CYTH3: variants seen among roughly 807,000 people sequenced by gnomAD.
The protein encoded by CYTH3 is cytohesin 3.
A neutral mutation model predicts 55.1 loss-of-function variants in CYTH3; 23 were observed. That is an observed-to-expected ratio of 0.42 (90% CI 0.30 to 0.59). The LOEUF (loss-of-function observed/expected upper bound fraction) is 0.59, where lower values mean the gene tolerates loss of function less well. Among genes scored for constraint, CYTH3 ranks in the 20% least tolerant of loss-of-function variants. CYTH3 has a pLI of 0.20. For synonymous variants in CYTH3, 249 were observed against 194.9 expected (o/e 1.28, Z -2.31); for missense variants, 413 against 524.8 (o/e 0.79, Z 2.08).
chr7:6,237,190 C>A (rs1162495823), intron 1 of CYTH3, among the ~76,000 whole-genome samples: 1 of 152,222 alleles, frequency 6.6e-6, no homozygotes, highest in Non-Finnish European at 1.5e-5. Flanking sequence ...TCTTCTCAAT[C>A]CACTTTTAGA....
intron 1 of CYTH3, among the ~76,000 whole-genome samples, chr7:6,202,813 A>AACAAT (rs1270367812): frequency 2.0e-5 from 3 of 152,256 alleles, no homozygotes; most frequent in African/African-American, 7.2e-5. Context: ...TGCAGTAAGA[A>AACAAT]GTAACTGATA....
intron 4 of CYTH3, among the ~76,000 whole-genome samples, chr7:6,180,355 C>T (rs1317684598): frequency 6.6e-6 from 1 of 152,206 alleles, no homozygotes; most frequent in African/African-American, 2.4e-5. Context: ...GACAAAGAGA[C>T]AAGCAGAGGA....
intron 1 of CYTH3, among the ~76,000 whole-genome samples, chr7:6,206,547 GTGT>G (rs1180285193): frequency 2.0e-5 from 3 of 152,248 alleles, no homozygotes; most frequent in Non-Finnish European, 2.9e-5. Context: ...GCACAAGGGT[GTGT>G]GTACATGACT....
chr7:6,187,238 C>G, intron 3 of CYTH3, 122 bp from the exon 4 acceptor site: 1 of 1,041,252 alleles, frequency 9.6e-7, no homozygotes, highest in African/African-American at 1.6e-5. Flanking sequence ...CAGGCCCTCA[C>G]GGAGGGGCCC....
chr7:6,232,462 G>C (rs1488732939), intron 1 of CYTH3, among the ~76,000 whole-genome samples: 1 of 152,166 alleles, frequency 6.6e-6, no homozygotes, highest in East Asian at 1.9e-4. Flanking sequence ...GGCCTGTAAT[G>C]ATGGACCACT....
chr7:6,262,320 T>C (rs1003091406), intron 1 of CYTH3, among the ~76,000 whole-genome samples: 3 of 152,124 alleles, frequency 2.0e-5, no homozygotes, highest in African/African-American at 7.2e-5. Context: ...AAATCTAATT[T>C]AAGATCAAGC....
In CYTH3 at chr7:6,177,860, G is replaced by C; in HGVS notation, c.331C>G (p.Leu111Val). 1.2e-6 allele frequency: 2 copies of C among 1,614,062 alleles called. No homozygotes were observed. The highest frequency in any genetic ancestry group is 1.7e-6 in the Non-Finnish European group (2 of 1,179,958). Residue 111 changes from leucine to valine, a missense_variant, in exon 5 of 13, where the codon CTA (leucine) becomes GTA (valine). Transcript: ENST00000350796. Reference sequence around the variant, plus strand: ...TAGTCCCCAATGACGGTCTTATTTAGGCCTTCTCCTTTATAAAGGAACTGG... The same window carrying C: ...TAGTCCCCAATGACGGTCTTATTTACGCCTTCTCCTTTATAAAGGAACTGG... The part of the protein sequence containing the change: ...VAQFLYKGEG[L>V]NKTVIGDYLG...
intron 2 of CYTH3, 64 bp downstream of exon 2, chr7:6,190,385 T>C: frequency 8.2e-7 from 1 of 1,212,284 alleles, no homozygotes; most frequent in Non-Finnish European, 1.1e-6. Flanking sequence ...GCTACTCTTT[T>C]ACTATTTTAC....
intron 1 of CYTH3, among the ~76,000 whole-genome samples, chr7:6,249,182 A>T (rs927724968): frequency 6.6e-6 from 1 of 152,180 alleles, no homozygotes; most frequent in African/African-American, 2.4e-5. Context: ...GGGAAGGTTC[A>T]CTATGTTCTG....
chr7:6,250,557 C>T (rs1779935502), intron 1 of CYTH3, among the ~76,000 whole-genome samples: 1 of 152,092 alleles, frequency 6.6e-6, no homozygotes, highest in Non-Finnish European at 1.5e-5. Flanking sequence ...TGACTCATGC[C>T]ACAACATGGA....
At chr7:6,234,876 A>G (rs886339107) in intron 1 of CYTH3, among the ~76,000 whole-genome samples, 2 of 152,196 alleles carry the variant, frequency 1.3e-5, no homozygotes, top group South Asian at 2.1e-4. Context: ...AAATAATAAT[A>G]AGAATATGAG....
chr7:6,272,144 G>A (rs1057358862), intron 1 of CYTH3, among the ~76,000 whole-genome samples: 3 of 152,198 alleles, frequency 2.0e-5, no homozygotes, highest in East Asian at 1.9e-4. Flanking sequence ...ATGCGGGGAA[G>A]GTCGCCCCGC....
rs1388717285 is a variant in CYTH3 at position 6,170,900 on chromosome 7, G to A, written c.641C>T (p.Thr214Met). ...GTTCATGGCGATGAACCGTTCTGCC[G>A]TGGGCTTGTCACGCACGTTGTGGTT... ...LHNHNVRDKP[T>M]AERFIAMNRG... Residue 214 changes from threonine to methionine, a missense_variant, in exon 8 of 13, where the codon ACG (threonine) becomes ATG (methionine). Transcript: ENST00000350796. The surrounding 1 kb of genome is among the most constrained non-coding windows in gnomAD (Gnocchi z 7.8). 5.6e-6 allele frequency: 9 copies of A among 1,613,828 alleles called. No homozygotes were observed. The highest frequency in any genetic ancestry group is 1.3e-5 in the African/African-American group (1 of 74,958).
rs544730718 is a variant in CYTH3 at position 6,226,935 on chromosome 7, C to T, written c.35-36404G>A. Among the ~76,000 whole-genome samples the T allele has an allele frequency of 2.3e-4, 35 of 152,182 alleles. 1 individual carries two copies. The South Asian group carries it at 5.6e-3, about 24-fold the overall frequency. On this transcript the variant is annotated intron_variant, in intron 1 of 12. Transcript: ENST00000350796. ...CTCTACTAAAAATACAAAAAATTAG[C>T]CAGGCGTGGTGGCGGGCACCTGTAG... is the stretch of plus-strand genomic sequence containing the variant.
At chr7:6,260,078 C>T (rs552719797) in intron 1 of CYTH3, among the ~76,000 whole-genome samples, 2 of 151,092 alleles carry the variant, frequency 1.3e-5, no homozygotes, top group East Asian at 2.0e-4. Context: ...ATCCACCCTC[C>T]TCGGCCTCCC....
intron 1 of CYTH3, among the ~76,000 whole-genome samples, chr7:6,228,788 G>A (rs188735728): frequency 9.9e-5 from 15 of 152,132 alleles, no homozygotes; most frequent in Non-Finnish European, 2.1e-4. Context: ...GTAAAAATCC[G>A]CCCCTTTTTA....
At chr7:6,259,744 A>T (rs6971731) in intron 1 of CYTH3, among the ~76,000 whole-genome samples, 257 of 17,876 alleles carry the variant, frequency 0.014, 17 homozygotes, top group African/African-American at 0.064. Flanking sequence ...CATATATATA[A>T]TATATATATA....
At chr7:6,262,924 T>C (rs927189142) in intron 1 of CYTH3, among the ~76,000 whole-genome samples, 1 of 151,782 alleles carries the variant, frequency 6.6e-6, no homozygotes, top group Non-Finnish European at 1.5e-5. Flanking sequence ...AATAAAAAAA[T>C]TGTGTTTAAG....
At chr7:6,209,516 T>C (rs1389442514) in intron 1 of CYTH3, among the ~76,000 whole-genome samples, 3 of 152,190 alleles carry the variant, frequency 2.0e-5, no homozygotes, top group Non-Finnish European at 4.4e-5. Flanking sequence ...CAAATGCACG[T>C]GACTAAAAAC....
Sources: gnomAD v4.1 joint callset for allele counts (sites outside exome capture counted in the v4.1 genomes callset) on GRCh38, gnomAD v4.1.1 for gene constraint, Gnocchi (gnomAD v3.1) non-coding constraint, MANE v1.5 for transcripts, NCBI Gene and HGNC (gene_info 2026-07-23, HGNC 2026-07-21) for gene names.